VPS13D: variants seen among roughly 807,000 people sequenced by gnomAD.
VPS13D encodes intermembrane lipid transfer protein VPS13D.
In VPS13D, 187 loss-of-function variants were observed where a neutral mutation model predicts 461.9. That is an observed-to-expected ratio of 0.40 (90% CI 0.36 to 0.46). The LOEUF is 0.46. Ranked by LOEUF, VPS13D falls within the 20% of genes least tolerant of loss-of-function variation. VPS13D has a pLI of 0.60. For synonymous variants in VPS13D, 1,951 were observed against 1,986.3 expected, an observed-to-expected ratio of 0.98 and a Z score of 0.47; for missense variants, 4,711 against 5,364.9, an observed-to-expected ratio of 0.88 and a Z score of 3.81.
intron 65 of VPS13D, among the ~76,000 whole-genome samples, chr1:12,448,357 A>G (rs1645220830): frequency 6.6e-6 from 1 of 152,120 alleles, no homozygotes; most frequent in Non-Finnish European, 1.5e-5. Context: ...TTATGCAAAA[A>G]CCTTGTTAGA....
At chr1:12,405,022 G>A (rs770069507) in intron 63 of VPS13D, among the ~76,000 whole-genome samples, 5 of 152,202 alleles carry the variant, frequency 3.3e-5, no homozygotes, top group South Asian at 2.1e-4. Flanking sequence ...ATCTTGCTGC[G>A]CAGAAACAGC....
At chr1:12,430,809 A>G (rs1282039599) in intron 65 of VPS13D, among the ~76,000 whole-genome samples, 1 of 152,210 alleles carries the variant, frequency 6.6e-6, no homozygotes, top group Non-Finnish European at 1.5e-5. Context: ...GGGTCATGCA[A>G]ATCTCCAGTC....
intron 67 of VPS13D, among the ~76,000 whole-genome samples, chr1:12,476,306 C>G (rs1038611618): frequency 3.3e-5 from 5 of 152,234 alleles, no homozygotes; most frequent in Admixed American, 6.5e-5. Flanking sequence ...TTTATAAGTT[C>G]TCAGTCTGTC....
At chr1:12,410,242 G>A (rs1644706394) in intron 63 of VPS13D, among the ~76,000 whole-genome samples, 2 of 152,332 alleles carry the variant, frequency 1.3e-5, no homozygotes, top group African/African-American at 2.4e-5. Flanking sequence ...AACTTAAACA[G>A]TCTTCTAAGC....
At chr1:12,416,585 T>TTCGC (rs1180500789) in intron 64 of VPS13D, 75 bp from the exon 65 acceptor site, 15 of 1,475,062 alleles carry the variant, frequency 1.0e-5, no homozygotes, top group Non-Finnish European at 1.3e-5. Flanking sequence ...TTCTAAGCTC[T>TTCGC]TCGCTTGGGA....
intron 5 of VPS13D, among the ~76,000 whole-genome samples, chr1:12,245,027 G>A (rs1055502640): frequency 2.6e-5 from 4 of 152,194 alleles, no homozygotes; most frequent in Admixed American, 2.6e-4. Flanking sequence ...AAAGAGAGAG[G>A]TTGGATGCCT....
At chr1:12,465,465 T>C (rs1428505748) in intron 67 of VPS13D, among the ~76,000 whole-genome samples, 1 of 152,156 alleles carries the variant, frequency 6.6e-6, no homozygotes. Flanking sequence ...TAATGATAGA[T>C]CAGTGTTTAA....
intron 13 of VPS13D, among the ~76,000 whole-genome samples, 171 bp from the exon 14 acceptor site, chr1:12,266,710 T>C (rs901407291): frequency 6.6e-6 from 1 of 152,244 alleles, no homozygotes; most frequent in Admixed American, 6.5e-5. Flanking sequence ...AAACCCGCAA[T>C]ATCTCCAATA....
chr1:12,278,488 T>TG (rs1641682964), intron 19 of VPS13D, among the ~76,000 whole-genome samples: 1 of 152,324 alleles, frequency 6.6e-6, no homozygotes, highest in Middle Eastern at 3.4e-3. Flanking sequence ...TTGGCCAGGC[T>TG]GGTCTCGAAC....
intron 67 of VPS13D, among the ~76,000 whole-genome samples, chr1:12,492,852 A>G (rs1473716969): frequency 6.6e-6 from 1 of 152,246 alleles, no homozygotes; most frequent in South Asian, 2.1e-4. Flanking sequence ...AATCTTAGCA[A>G]TGTGACAGCG....
In VPS13D at chr1:12,276,216, A is replaced by T. The variant is rs772131157; in HGVS notation, c.2628A>T (p.Ser876=). The T allele has an allele frequency of 6.2e-7, 1 of 1,614,118 alleles. No homozygotes were observed. ...SDPKYPGAVL[S]GNLPDLKIHI... ...CCAAATATCCAGGAGCCGTGCTCTC[A>T]GGCAACTTACCAGACTTAAAAATCC... The change falls in exon 19 of 70, where the codon TCA becomes TCT. Residue 876 remains serine, a synonymous_variant. Coordinates refer to ENST00000620676, the MANE Select transcript of VPS13D (RefSeq NM_015378.4). The surrounding 1 kb of genome is among the most constrained non-coding windows in gnomAD (Gnocchi z 4.5).
chr1:12,333,685 A>C (rs1004130157), intron 38 of VPS13D, among the ~76,000 whole-genome samples: 11 of 152,234 alleles, frequency 7.2e-5, no homozygotes, highest in African/African-American at 2.7e-4. Flanking sequence ...AGTTTAGATT[A>C]ACTTTGCTCA....
At chr1:12,236,052 A>G (rs1336348394) in intron 2 of VPS13D, among the ~76,000 whole-genome samples, 2 of 152,250 alleles carry the variant, frequency 1.3e-5, no homozygotes, top group African/African-American at 4.8e-5. Flanking sequence ...GTATCTTGTA[A>G]CAACTGTGTT....
chr1:12,455,656 C>G (rs985217623), intron 65 of VPS13D, among the ~76,000 whole-genome samples: 1 of 151,978 alleles, frequency 6.6e-6, no homozygotes, highest in Non-Finnish European at 1.5e-5. Flanking sequence ...CAGTGGCTCA[C>G]GCCTGTAATC....
chr1:12,355,992 A>G lies in VPS13D; in HGVS notation c.9773A>G (p.Asn3258Ser), dbSNP rs755668539. The part of the protein sequence containing the change: ...YMVRMRLYDV[N>S]RRQLNLTIRI... The stretch of plus-strand genomic sequence containing the variant: ...GTGAGAATGCGACTCTATGACGTCA[A>G]CCGTCGGCAGCTGAACCTCACCATC... Residue 3258 changes from asparagine to serine, a missense_variant, in exon 48 of 70, where the codon AAC (asparagine) becomes AGC (serine). Coordinates refer to ENST00000620676, the MANE Select transcript of VPS13D (RefSeq NM_015378.4). 2.0e-5 allele frequency: 33 copies of G among 1,613,842 alleles called. No homozygotes were observed. The highest frequency in any genetic ancestry group is 1.8e-4 in the East Asian group (8 of 44,868).
intron 26 of VPS13D, among the ~76,000 whole-genome samples, chr1:12,305,237 A>G (rs1642529922): frequency 6.6e-6 from 1 of 152,206 alleles, no homozygotes; most frequent in Non-Finnish European, 1.5e-5. Context: ...AGTCATTCCA[A>G]ATGAGAACAT....
rs772392902 is a variant in VPS13D, at chr1:12,304,597, A to C, written c.6308A>C (p.Gln2103Pro). 10 of 1,614,036 alleles carry C rather than the reference A, an allele frequency of 6.2e-6. No homozygotes were observed. The highest frequency in any genetic ancestry group is 8.5e-6 in the Non-Finnish European group (10 of 1,180,030). ...GAGGAGCCCAGGGGAACCCATTCCC[A>C]GGGGCAGTTCACGATGCCTCTTGCT... The part of the protein sequence containing the change: ...STEEPRGTHS[Q>P]GQFTMPLAGM... The change falls in exon 26 of 70, where the codon CAG (glutamine) becomes CCG (proline). Residue 2103 changes from glutamine (Q) to proline (P), a missense_variant. Physicochemically the swap from Gln to Pro is moderately conservative, Grantham distance 76 (BLOSUM62 -1). Coordinates refer to ENST00000620676, the MANE Select transcript of VPS13D (RefSeq NM_015378.4).
intron 27 of VPS13D, among the ~76,000 whole-genome samples, chr1:12,309,351 C>T (rs1642666297): frequency 6.6e-6 from 1 of 151,650 alleles, no homozygotes; most frequent in Non-Finnish European, 1.5e-5. Context: ...GCTGAGATTA[C>T]AGGCGCATGC....
intron 37 of VPS13D, 110 bp downstream of exon 37, chr1:12,330,028 G>A: frequency 6.3e-5 from 23 of 366,386 alleles, no homozygotes; most frequent in Non-Finnish European, 9.6e-5. Flanking sequence ...GGTGGGGTGG[G>A]ACGGGGAAAG....
Sources: allele counts gnomAD v4.1 joint callset (sites outside exome capture counted in the v4.1 genomes callset), GRCh38; gene constraint gnomAD v4.1.1; non-coding constraint Gnocchi (gnomAD v3.1); transcripts MANE v1.5; gene names NCBI Gene and HGNC (gene_info 2026-07-23, HGNC 2026-07-21).